The following CNTNAP4 variants were observed in gnomAD, a reference collection of about 807,000 sequenced individuals.
The protein encoded by CNTNAP4 is contactin associated protein family member 4, also known as contactin-associated protein-like 4.
CNTNAP4 carries 98 observed loss-of-function variants against 148.4 expected under a neutral mutation model. The ratio of observed to expected loss-of-function variants is 0.66; its 90% confidence interval spans 0.56 to 0.78. CNTNAP4 has a LOEUF of 0.78. Ranked by LOEUF, CNTNAP4 falls within the 30% of genes least tolerant of loss-of-function variation. CNTNAP4 has a pLI of 0.00. For synonymous variants in CNTNAP4, 730 were observed against 565.1 expected (o/e 1.29, Z -4.14); for missense variants, 1,935 against 1,565.6 (o/e 1.24, Z -3.98).
intron 1 of CNTNAP4, among the ~76,000 whole-genome samples, chr16:76,287,074 A>G (rs894033276): frequency 6.6e-6 from 1 of 152,186 alleles, no homozygotes; most frequent in Non-Finnish European, 1.5e-5. Flanking sequence ...ATACAGCTTC[A>G]TAACACTACC....
At chr16:76,449,921 C>A in intron 7 of CNTNAP4, 63 bp downstream of exon 7, 1 of 1,435,394 alleles carries the variant, frequency 7.0e-7, no homozygotes, top group Non-Finnish European at 9.3e-7. Context: ...CAGTAAAATT[C>A]CTCCATTTTA....
chr16:76,491,831 A>G (rs1281689347), intron 13 of CNTNAP4, among the ~76,000 whole-genome samples: 8 of 147,308 alleles, frequency 5.4e-5, no homozygotes, highest in Non-Finnish European at 1.0e-4. Flanking sequence ...ACTTCCTTCT[A>G]TTTAAGGCTG....
intron 15 of CNTNAP4, among the ~76,000 whole-genome samples, chr16:76,503,935 A>C (rs1431975927): frequency 6.6e-6 from 1 of 152,140 alleles, no homozygotes; most frequent in African/African-American, 2.4e-5. Context: ...TGTAAATATA[A>C]CAAATTATTA....
At chr16:76,346,711 A>C (rs1964931174) in intron 2 of CNTNAP4, among the ~76,000 whole-genome samples, 1 of 152,218 alleles carries the variant, frequency 6.6e-6, no homozygotes. Context: ...TCTGTGGTAA[A>C]AACAAAATTA....
intron 23 of CNTNAP4, among the ~76,000 whole-genome samples, chr16:76,554,943 C>G (rs528592503): frequency 6.6e-6 from 1 of 151,838 alleles, no homozygotes; most frequent in African/African-American, 2.4e-5. Flanking sequence ...CATTTCTCTT[C>G]TAGGTGCTCA....
chr16:76,363,078 A>G (rs750501452), intron 3 of CNTNAP4, among the ~76,000 whole-genome samples: 4 of 151,674 alleles, frequency 2.6e-5, no homozygotes, highest in Non-Finnish European at 5.9e-5. Context: ...AAAATAGACA[A>G]TGGGGAATGT....
intron 23 of CNTNAP4, chr16:76,557,641 A>T (rs139402550): frequency 2.0e-5 from 3 of 152,144 alleles, no homozygotes; most frequent in Non-Finnish European, 2.9e-5. Flanking sequence ...CATGAATTCA[A>T]TGATTATTAT....
intron 1 of CNTNAP4, among the ~76,000 whole-genome samples, chr16:76,295,688 T>C (rs1342543230): frequency 2.0e-5 from 3 of 152,204 alleles, no homozygotes; most frequent in African/African-American, 4.8e-5. Flanking sequence ...AGTAGTGACA[T>C]GTGAGAGGAA....
At chr16:76,449,603 T>A (rs1001354791) in intron 6 of CNTNAP4, 112 bp from the exon 7 acceptor site, 15 of 850,998 alleles carry the variant, frequency 1.8e-5, no homozygotes, top group Middle Eastern at 3.6e-4. Flanking sequence ...GTGTGTAGGG[T>A]TATGAAAAAT....
In CNTNAP4 at chr16:76,494,953, G is replaced by A. The variant is rs201980646; in HGVS notation, c.2124G>A (p.Thr708=). 8.2e-5 allele frequency: 133 copies of A among 1,613,350 alleles called. 2 individuals are homozygous for A. The highest frequency in any genetic ancestry group is 6.6e-4 in the South Asian group (60 of 91,040). ...LSWWVGRTNE[T]QTYWGGSSPD... ...GGTGGGTAGGAAGAACCAATGAAACGCAAACCTACTGGGGAGGTTCTTCGC... is the reference window on the plus strand; with the variant it reads ...GGTGGGTAGGAAGAACCAATGAAACACAAACCTACTGGGGAGGTTCTTCGC... Residue 708 remains threonine (T), a synonymous_variant, in exon 14 of 24, where the codon ACG becomes ACA. Coordinates refer to ENST00000611870, the MANE Select transcript of CNTNAP4 (RefSeq NM_033401.5).
Position 76,476,933 on chromosome 16 carries a change from G to T in CNTNAP4, c.1762+888G>T, listed in dbSNP as rs527613950. Among the ~76,000 whole-genome samples the T allele has an allele frequency of 5.3e-5, 8 of 151,968 alleles. No individual in the cohort carries two copies. In the South Asian group the frequency reaches 1.7e-3, roughly 32 times the overall value. Reference sequence around the variant, plus strand: ...GATAAGGAAAAGGGTGGTAGATAATGATTAAATTATGATGGTAGATAAATA... The same window carrying T: ...GATAAGGAAAAGGGTGGTAGATAATTATTAAATTATGATGGTAGATAAATA... On this transcript the variant is annotated intron_variant, in intron 11 of 23. Transcript: ENST00000611870.
chr16:76,521,840 T>G (rs1327038070), intron 16 of CNTNAP4, among the ~76,000 whole-genome samples, 199 bp from the exon 17 acceptor site: 1 of 152,172 alleles, frequency 6.6e-6, no homozygotes, highest in Admixed American at 6.5e-5. Context: ...CATGAATGTA[T>G]TTAACTGTCT....
intron 3 of CNTNAP4, among the ~76,000 whole-genome samples, chr16:76,367,786 C>A (rs1419411587): frequency 2.6e-5 from 4 of 152,112 alleles, no homozygotes; most frequent in African/African-American, 9.7e-5. Context: ...GTGTCGCCAC[C>A]ACACATCAGG....
intron 3 of CNTNAP4, among the ~76,000 whole-genome samples, chr16:76,389,723 C>T (rs1421571941): frequency 1.3e-5 from 2 of 152,094 alleles, no homozygotes; most frequent in African/African-American, 2.4e-5. Context: ...GACTCAGCCT[C>T]CCAAAGTGCT....
intron 15 of CNTNAP4, among the ~76,000 whole-genome samples, chr16:76,500,284 C>A (rs922431781): frequency 6.6e-6 from 1 of 152,208 alleles, no homozygotes; most frequent in Non-Finnish European, 1.5e-5. Flanking sequence ...GTATTGTGAA[C>A]ATTTTTAAGT....
intron 17 of CNTNAP4, among the ~76,000 whole-genome samples, chr16:76,531,461 A>G (rs1597081849): frequency 6.6e-6 from 1 of 152,168 alleles, no homozygotes; most frequent in African/African-American, 2.4e-5. Context: ...TAAACTCAAT[A>G]AACACGGAAA....
chr16:76,322,800 G>A (rs1962559162), intron 2 of CNTNAP4, among the ~76,000 whole-genome samples: 1 of 151,870 alleles, frequency 6.6e-6, no homozygotes, highest in South Asian at 2.1e-4. Flanking sequence ...GAACTGTGCT[G>A]GAAAGAGTCA....
chr16:76,318,631 A>C (rs1313274132), intron 2 of CNTNAP4, among the ~76,000 whole-genome samples: 1 of 151,392 alleles, frequency 6.6e-6, no homozygotes, highest in Non-Finnish European at 1.5e-5. Context: ...ATTTTCAGTG[A>C]TTTATTAAAG....
intron 14 of CNTNAP4, among the ~76,000 whole-genome samples, chr16:76,497,288 T>C (rs990282185): frequency 6.6e-6 from 1 of 152,224 alleles, no homozygotes; most frequent in Admixed American, 6.5e-5. Flanking sequence ...AAATGAATTA[T>C]GTCTTAGCAA....
Sources: gnomAD v4.1 joint callset for allele counts (sites outside exome capture counted in the v4.1 genomes callset) on GRCh38, gnomAD v4.1.1 for gene constraint, MANE v1.5 for transcripts, NCBI Gene and HGNC (gene_info 2026-07-23, HGNC 2026-07-21) for gene names.